Variants in PIAS1 observed in about 807,000 individuals in gnomAD.
PIAS1 encodes protein inhibitor of activated STAT 1.
PIAS1 carries 6 observed loss-of-function variants against 71.3 expected under a neutral mutation model. The observed-to-expected ratio is 0.08, with a 90% CI of 0.05 to 0.17. The LOEUF (loss-of-function observed/expected upper bound fraction) is 0.17. Ranked by LOEUF, PIAS1 falls within the 10% of genes least tolerant of loss-of-function variation. The pLI, the probability that PIAS1 is intolerant of heterozygous loss-of-function variation, is 1.00. For synonymous variants in PIAS1, 303 were observed against 292.9 expected (o/e 1.03, Z -0.35); for missense variants, 555 against 793.6 (o/e 0.70, Z 3.61).
chr15:68,137,290 CAG>C (rs1216601882), intron 2 of PIAS1, among the ~76,000 whole-genome samples: 2 of 152,016 alleles, frequency 1.3e-5, no homozygotes, highest in African/African-American at 4.8e-5. Context: ...AATGACTAAT[CAG>C]GGGAGTAATT....
intron 7 of PIAS1, among the ~76,000 whole-genome samples, chr15:68,163,315 A>C (rs11071984): frequency 3.9e-5 from 6 of 152,236 alleles, no homozygotes; most frequent in Non-Finnish European, 7.3e-5. Context: ...TGTTACAACT[A>C]TATTTTCCAA....
intron 2 of PIAS1, among the ~76,000 whole-genome samples, chr15:68,124,020 G>GTA (rs1567052466): frequency 6.6e-6 from 1 of 151,908 alleles, no homozygotes; most frequent in East Asian, 1.9e-4. Context: ...GTACACATAC[G>GTA]TGTGTACATA....
chr15:68,099,260 T>C (rs2092403467), intron 2 of PIAS1, among the ~76,000 whole-genome samples: 1 of 142,030 alleles, frequency 7.0e-6, no homozygotes, highest in African/African-American at 2.6e-5. Flanking sequence ...TATATATTTC[T>C]TTTTTTTTTT....
chr15:68,101,374 C>G (rs966186011), intron 2 of PIAS1, among the ~76,000 whole-genome samples: 16 of 128,492 alleles, frequency 1.2e-4, no homozygotes, highest in African/African-American at 4.8e-4. Context: ...AGAGTTCTTT[C>G]TAGATTCTAG....
Position 68,178,844 on chromosome 15 carries a change from T to C in PIAS1, c.1481+2190T>C, listed in dbSNP as rs1329321391. On this transcript the variant is annotated intron_variant, in intron 11 of 13. Coordinates refer to ENST00000249636, the MANE Select transcript of PIAS1 (RefSeq NM_016166.3). The surrounding 1 kb of genome is among the most constrained non-coding windows in gnomAD (Gnocchi z 4.2). The stretch of plus-strand genomic sequence containing the variant: ...GAGTGTTTAGGAATCTAATATTTCT[T>C]CTTTGGATATTTACTTTGCTCTTTC... Among the ~76,000 whole-genome samples, 1 of 152,208 alleles carries C rather than the reference T, an allele frequency of 6.6e-6. No individual in the cohort carries two copies. Among genetic ancestry groups the C allele is most frequent in the Non-Finnish European group, 1.5e-5 (1 of 68,020 alleles).
intron 8 of PIAS1, among the ~76,000 whole-genome samples, chr15:68,168,488 T>C (rs1391933011): frequency 6.6e-6 from 1 of 152,294 alleles, no homozygotes; most frequent in Non-Finnish European, 1.5e-5. Flanking sequence ...GTTAGTGGCG[T>C]TAGAAAACAC....
At chr15:68,095,496 C>T (rs1298420002) in intron 2 of PIAS1, among the ~76,000 whole-genome samples, 3 of 148,532 alleles carry the variant, frequency 2.0e-5, no homozygotes, top group African/African-American at 7.5e-5. Flanking sequence ...TGACACATAG[C>T]TGGGTGTTTG....
intron 2 of PIAS1, among the ~76,000 whole-genome samples, chr15:68,095,600 G>A (rs187626195): frequency 2.4e-4 from 35 of 148,012 alleles, no homozygotes; most frequent in Admixed American, 1.8e-3. Context: ...GCATGATCTC[G>A]GCTCACTGCA....
intron 2 of PIAS1, among the ~76,000 whole-genome samples, chr15:68,118,331 AAAAAAT>A (rs2092583405): frequency 1.3e-5 from 2 of 150,746 alleles, no homozygotes; most frequent in Non-Finnish European, 2.9e-5. Flanking sequence ...AAAAAAAAAA[AAAAAAT>A]AATAATAAAT....
intron 6 of PIAS1, 46 bp from the exon 7 acceptor site, chr15:68,153,544 A>C (rs750215294): frequency 1.2e-6 from 1 of 839,428 alleles, no homozygotes; most frequent in Non-Finnish European, 2.0e-6. Flanking sequence ...TAGATGTACT[A>C]TTTACTTACA....
At chr15:68,150,144 T>G (rs1408746746) in intron 6 of PIAS1, among the ~76,000 whole-genome samples, 1 of 152,176 alleles carries the variant, frequency 6.6e-6, no homozygotes, top group Non-Finnish European at 1.5e-5. Flanking sequence ...ATTTCTAGTG[T>G]ACCTTGGAGT....
chr15:68,094,154 C>T (rs1044519541), intron 2 of PIAS1, among the ~76,000 whole-genome samples: 12 of 150,868 alleles, frequency 8.0e-5, no homozygotes, highest in African/African-American at 2.9e-4. Flanking sequence ...TTGAATTTTC[C>T]TGTGCTTTTT....
chr15:68,102,220 C>T (rs1050450457), intron 2 of PIAS1, among the ~76,000 whole-genome samples: 1 of 152,198 alleles, frequency 6.6e-6, no homozygotes, highest in Non-Finnish European at 1.5e-5. Flanking sequence ...CAAAGGCCGT[C>T]CTCCTCCATT....
chr15:68,079,645 T>A (rs747352329), intron 1 of PIAS1, among the ~76,000 whole-genome samples: 2 of 151,844 alleles, frequency 1.3e-5, no homozygotes, highest in African/African-American at 2.4e-5. Flanking sequence ...AATTATTTTT[T>A]ATTTTTTATT....
Position 68,167,158 on chromosome 15 carries a change from C to G in PIAS1, c.1008+2354C>G, listed in dbSNP as rs1212630728. 6.6e-6 allele frequency among the ~76,000 whole-genome samples: 1 copy of G among 151,574 alleles called. No homozygotes were observed. Among genetic ancestry groups the G allele is most frequent in the Non-Finnish European group, 1.5e-5 (1 of 67,934 alleles). ...TAAATTGACATCTGCTTTAAAAATT[C>G]AGATTATAAAACAAAACAACTATAT... On this transcript the variant is annotated intron_variant, in intron 8 of 13. Coordinates refer to ENST00000249636, the MANE Select transcript of PIAS1 (RefSeq NM_016166.3). This position sits in a 1 kb window ranked among gnomAD's most constrained non-coding sequence, Gnocchi z 4.4.
chr15:68,093,392 C>G (rs1440734992), intron 2 of PIAS1, among the ~76,000 whole-genome samples: 3 of 152,246 alleles, frequency 2.0e-5, no homozygotes, highest in Non-Finnish European at 4.4e-5. Flanking sequence ...TGCGGAAGCA[C>G]TGTAGAGTTG....
At position 68,192,768 on chromosome 15, in the gene PIAS1, A is replaced by T. The variant is rs1202951320; in HGVS notation, c.*4933A>T. ...GATTTGGTTTTCTTCTACTTTAGCCACTGTGGTACTACTAGACAAAGCCAC... is the reference window on the plus strand; with the variant it reads ...GATTTGGTTTTCTTCTACTTTAGCCTCTGTGGTACTACTAGACAAAGCCAC... On this transcript the variant is annotated 3_prime_UTR_variant, in exon 14 of 14. Coordinates refer to ENST00000249636, the MANE Select transcript of PIAS1 (RefSeq NM_016166.3). The T allele has an allele frequency of 2.0e-5, 3 of 152,208 alleles. No individual in the cohort carries two copies. Among genetic ancestry groups the T allele is most frequent in the African/African-American group, 7.2e-5 (3 of 41,434 alleles). The allele number at this position is 152,208 out of a possible 1,614,324, so 9.4% of individuals were successfully genotyped here. A position where few individuals can be genotyped will look rare whatever the true frequency, so the allele number is the denominator to read the frequency against.
chr15:68,076,688 C>T (rs1029329504), intron 1 of PIAS1, among the ~76,000 whole-genome samples: 1 of 152,058 alleles, frequency 6.6e-6, no homozygotes, highest in Non-Finnish European at 1.5e-5. Flanking sequence ...TTAAGGATGA[C>T]TTGGGTGAAT....
In PIAS1 at chr15:68,171,648, A is replaced by G. The variant is rs572396283; in HGVS notation, c.1009-2084A>G. Among the ~76,000 whole-genome samples the G allele has an allele frequency of 1.6e-3, 248 of 152,304 alleles. 3 individuals are homozygous for G. The highest frequency in any genetic ancestry group is 5.7e-3 in the African/African-American group (238 of 41,562). ...GTTCAGTGTTCTATTTTTATTCATC[A>G]TGGCTACATCTGGTTGAAGTAAGGA... On this transcript the variant is annotated intron_variant, in intron 8 of 13. Transcript: ENST00000249636. The surrounding 1 kb of genome is among the most constrained non-coding windows in gnomAD (Gnocchi z 4.4).
Sources: gnomAD v4.1 joint callset for allele counts (sites outside exome capture counted in the v4.1 genomes callset) on GRCh38, gnomAD v4.1.1 for gene constraint, Gnocchi (gnomAD v3.1) non-coding constraint, MANE v1.5 for transcripts, NCBI Gene and HGNC (gene_info 2026-07-23, HGNC 2026-07-21) for gene names.